Variants in CDKAL1 observed in about 807,000 individuals in gnomAD.
The protein encoded by CDKAL1 is CDKAL1 threonylcarbamoyladenosine tRNA methylthiotransferase.
In CDKAL1, 32 loss-of-function variants were observed where a neutral mutation model predicts 68.2. That is an observed-to-expected ratio of 0.47 (90% confidence interval 0.35 to 0.63). The LOEUF (loss-of-function observed/expected upper bound fraction) is 0.63, where lower values mean the gene tolerates loss of function less well. CDKAL1 is among the 30% of genes least tolerant of loss of function. The pLI, the probability that CDKAL1 is intolerant of heterozygous loss-of-function variation, is 0.00. For synonymous variants in CDKAL1, 234 were observed against 244.3 expected, an observed-to-expected ratio of 0.96 and a Z score of 0.39; for missense variants, 606 against 696.7, an observed-to-expected ratio of 0.87 and a Z score of 1.47.
intron 4 of CDKAL1, among the ~76,000 whole-genome samples, chr6:20,622,232 A>G (rs1178125907): frequency 6.6e-6 from 1 of 152,036 alleles, no homozygotes; most frequent in East Asian, 1.9e-4. Flanking sequence ...GGACTTCTCA[A>G]TTCTTGAATT....
rs149117757 is a variant in CDKAL1, at chr6:20,546,514, C to T, written c.164C>T (p.Pro55Leu). ...KYLQEEENSP[P>L]SDSTIPGIQK... ...TTGCAAGAGGAAGAAAACAGTCCACCAAGTGACAGGTAAGCTTTTTTCCTT... is the reference window on the plus strand; with the variant it reads ...TTGCAAGAGGAAGAAAACAGTCCACTAAGTGACAGGTAAGCTTTTTTCCTT... The change falls in exon 3 of 16, where the codon CCA becomes CTA. Residue 55 changes from proline (P) to leucine (L), a missense_variant. Physicochemically the swap from Pro to Leu is moderately conservative, Grantham distance 98. Coordinates refer to ENST00000274695, the MANE Select transcript of CDKAL1 (RefSeq NM_017774.3). The T allele has an allele frequency of 9.9e-6, 16 of 1,612,876 alleles. No individual in the cohort carries two copies. Among genetic ancestry groups the T allele is most frequent in the Admixed American group, 1.7e-5 (1 of 59,752 alleles).
intron 9 of CDKAL1, among the ~76,000 whole-genome samples, chr6:20,926,887 T>TTA (rs35259543): frequency 0.88 from 128,786 of 146,808 alleles, 57,442 homozygotes; most frequent in East Asian, 0.99. Flanking sequence ...TTCTATATAT[T>TTA]TATATATATA....
At chr6:20,723,138 G>T (rs1169215414) in intron 5 of CDKAL1, among the ~76,000 whole-genome samples, 1 of 152,124 alleles carries the variant, frequency 6.6e-6, no homozygotes, top group African/African-American at 2.4e-5. Context: ...GAGGCAAGGG[G>T]CCAACTGAGC....
intron 6 of CDKAL1, among the ~76,000 whole-genome samples, chr6:20,747,422 C>CT (rs1773709136): frequency 6.6e-6 from 1 of 152,114 alleles, no homozygotes; most frequent in Non-Finnish European, 1.5e-5. Flanking sequence ...TTTTCCATAA[C>CT]GGCTGTACCA....
At chr6:21,131,907 T>C (rs1370758349) in intron 13 of CDKAL1, among the ~76,000 whole-genome samples, 2 of 152,122 alleles carry the variant, frequency 1.3e-5, no homozygotes, top group African/African-American at 2.4e-5. Flanking sequence ...ATAAGAAATA[T>C]TTTCTAAGGC....
At chr6:21,078,166 G>T (rs1772177808) in intron 12 of CDKAL1, among the ~76,000 whole-genome samples, 1 of 152,154 alleles carries the variant, frequency 6.6e-6, no homozygotes, top group African/African-American at 2.4e-5. Flanking sequence ...GTGTTTTGTG[G>T]TAATTTGTTA....
intron 13 of CDKAL1, among the ~76,000 whole-genome samples, chr6:21,160,732 G>A (rs34844023): frequency 2.0e-5 from 3 of 147,268 alleles, no homozygotes; most frequent in African/African-American, 5.0e-5. Context: ...TTAATTTCTG[G>A]TATACGTGTG....
At chr6:20,973,278 A>G (rs1765681080) in intron 10 of CDKAL1, among the ~76,000 whole-genome samples, 1 of 152,224 alleles carries the variant, frequency 6.6e-6, no homozygotes, top group Admixed American at 6.5e-5. Context: ...AAAACAATGT[A>G]TCACATATGT....
chr6:20,567,200 C>T (rs1324080253), intron 4 of CDKAL1, among the ~76,000 whole-genome samples: 9 of 145,262 alleles, frequency 6.2e-5, no homozygotes, highest in African/African-American at 1.5e-4. Flanking sequence ...CAAAAGTAAT[C>T]GTGGTCTTTG....
intron 7 of CDKAL1, among the ~76,000 whole-genome samples, chr6:20,780,298 T>C (rs1164682827): frequency 1.3e-5 from 2 of 152,176 alleles, no homozygotes; most frequent in South Asian, 4.1e-4. Flanking sequence ...TTAATAGTGA[T>C]CTGATTTCCT....
At chr6:21,001,274 C>T (rs1214105204) in intron 11 of CDKAL1, among the ~76,000 whole-genome samples, 3 of 152,114 alleles carry the variant, frequency 2.0e-5, no homozygotes, top group Non-Finnish European at 4.4e-5. Flanking sequence ...TACCTTTGTA[C>T]TATGTCAGAG....
intron 13 of CDKAL1, among the ~76,000 whole-genome samples, chr6:21,197,173 T>A (rs559170139): frequency 1.2e-3 from 178 of 149,568 alleles, no homozygotes; most frequent in African/African-American, 1.3e-3. Flanking sequence ...AAAAAAATAA[T>A]AATAATAATA....
intron 9 of CDKAL1, among the ~76,000 whole-genome samples, chr6:20,939,197 A>T (rs1280678353): frequency 6.6e-6 from 1 of 152,182 alleles, no homozygotes; most frequent in Non-Finnish European, 1.5e-5. Flanking sequence ...AAACATAATT[A>T]GAAGTAAATT....
At chr6:20,751,222 C>T (rs1053807876) in intron 6 of CDKAL1, among the ~76,000 whole-genome samples, 10 of 152,028 alleles carry the variant, frequency 6.6e-5, no homozygotes, top group South Asian at 4.1e-4. Context: ...TGTTCTCCGA[C>T]GGCTTCAAAT....
chr6:21,132,053 G>T (rs1775349454), intron 13 of CDKAL1, among the ~76,000 whole-genome samples: 1 of 152,040 alleles, frequency 6.6e-6, no homozygotes, highest in Admixed American at 6.6e-5. Flanking sequence ...AAAAATTTTT[G>T]ATTTGAGAAT....
At chr6:20,621,990 C>T (rs1327592975) in intron 4 of CDKAL1, among the ~76,000 whole-genome samples, 1 of 151,998 alleles carries the variant, frequency 6.6e-6, no homozygotes, top group Admixed American at 6.6e-5. Flanking sequence ...TGTGTATATA[C>T]TAATCTTTAG....
chr6:20,813,139 A>C (rs892687453), intron 8 of CDKAL1, among the ~76,000 whole-genome samples: 1 of 152,012 alleles, frequency 6.6e-6, no homozygotes, highest in Non-Finnish European at 1.5e-5. Context: ...TCTCAAGAGA[A>C]TCTTGCTTTA....
intron 11 of CDKAL1, among the ~76,000 whole-genome samples, chr6:21,053,305 G>C (rs1312869524): frequency 1.3e-5 from 2 of 152,114 alleles, no homozygotes; most frequent in African/African-American, 2.4e-5. Context: ...TCAGTAGTTG[G>C]CTCTTTTTTA....
chr6:20,844,413 T>G (rs1778293188), intron 8 of CDKAL1, among the ~76,000 whole-genome samples: 2 of 152,312 alleles, frequency 1.3e-5, no homozygotes, highest in East Asian at 1.9e-4. Context: ...ACTTGGAGTT[T>G]GAAATCTCAC....
Sources: allele counts gnomAD v4.1 joint callset (sites outside exome capture counted in the v4.1 genomes callset), GRCh38; gene constraint gnomAD v4.1.1; transcripts MANE v1.5; gene names NCBI Gene and HGNC (gene_info 2026-07-23, HGNC 2026-07-21).